NBEAL2: variants seen among roughly 807,000 people sequenced by gnomAD.
The protein encoded by NBEAL2 is neurobeachin like 2.
NBEAL2 carries 160 observed loss-of-function variants against 299.8 expected under a neutral mutation model. The observed-to-expected ratio is 0.53, with a 90% CI of 0.47 to 0.61. The LOEUF (loss-of-function observed/expected upper bound fraction) is 0.61, where lower values mean the gene tolerates loss of function less well. NBEAL2 is among the 20% of genes least tolerant of loss of function. NBEAL2 has a pLI of 0.00. For synonymous variants in NBEAL2, 1,493 were observed against 1,542.3 expected (o/e 0.97, Z 0.75); for missense variants, 3,112 against 3,649.0 (o/e 0.85, Z 3.79).
Position 47,003,308 on chromosome 3 carries a change from C to T in NBEAL2, c.5719C>T (p.Pro1907Ser). 1 of 1,612,114 alleles carries T rather than the reference C, an allele frequency of 6.2e-7. No homozygotes were observed. Among genetic ancestry groups the T allele is most frequent in the South Asian group, 1.1e-5 (1 of 90,984 alleles). The change falls in exon 35 of 54, where the codon CCG becomes TCG. Residue 1907 changes from proline to serine, a missense_variant and splice_region_variant. Around this residue, in one of 3 missense-constraint regions of NBEAL2, gnomAD observed 2,243 missense variants for 2,538.1 expected, o/e 0.88. Coordinates refer to ENST00000450053, the MANE Select transcript of NBEAL2 (RefSeq NM_015175.3). This position sits in a 1 kb window ranked among gnomAD's most constrained non-coding sequence, Gnocchi z 7.0. ...GEDELAELET[P>S]MEAAELDEQR... ...GGACGAGCTGGCTGAGCTGGAGACC[C>T]CGTGAGTGGGGCCCTGGAGAGATTG...
Position 47,000,180 on chromosome 3 carries a change from G to T in NBEAL2, c.4081G>T (p.Glu1361Ter), listed in dbSNP as rs1553663498. 9.9e-6 allele frequency: 16 copies of T among 1,613,816 alleles called. No homozygotes were observed. Among genetic ancestry groups the T allele is most frequent in the Non-Finnish European group, 1.4e-5 (16 of 1,179,888 alleles). ...CTGCACGCCCTTTGACCTGGGCCTG[G>T]AACGGTCTAGTGTAGGATCAGGCAA... is the stretch of plus-strand genomic sequence containing the variant. ...PFCTPFDLGLERSSVGSGNTA... is the reference protein window; with the variant it reads ...PFCTPFDLGL The change falls in exon 27 of 54, where the codon GAA becomes TAA. Residue 1361 changes from glutamate to a stop codon, truncating the protein, a stop_gained. Transcript: ENST00000450053. LOFTEE classifies it high-confidence loss of function. This position sits in a 1 kb window ranked among gnomAD's most constrained non-coding sequence, Gnocchi z 4.5.
At position 46,999,010 on chromosome 3, in the gene NBEAL2, C is replaced by T; in HGVS notation, c.3436C>T (p.Gln1146Ter). The T allele has an allele frequency of 1.9e-6, 3 of 1,605,844 alleles. No individual in the cohort carries two copies. Among genetic ancestry groups the T allele is most frequent in the African/African-American group, 1.3e-5 (1 of 74,854 alleles). The change falls in exon 24 of 54, where the codon CAG becomes TAG. Residue 1146 changes from glutamine to a stop codon, truncating the protein, a stop_gained. Transcript: ENST00000450053. LOFTEE classifies it high-confidence loss of function. ...GGCCCTGCTGCACGGTTCCCTGGTG[C>T]AGGAGTCCTTGGCTGTCTTTCTGTT... ...LLALLHGSLV[Q>*]ESLAVFLLEP...
In NBEAL2 at chr3:47,008,317, GAC is replaced by G; in HGVS notation, c.7756_7757del (p.Gln2586ValfsTer135). ...GTGATCATACACACTGTACGCCGCGGACAGTTTGTAGCGGCACTACGGCCTCT... is the reference window on the plus strand; with the variant it reads ...GTGATCATACACACTGTACGCCGCGGAGTTTGTAGCGGCACTACGGCCTCT... On this transcript the variant is annotated frameshift_variant, in exon 51 of 54. Transcript: ENST00000450053. LOFTEE classifies it high-confidence loss of function. The G allele has an allele frequency of 6.2e-7, 1 of 1,613,322 alleles. No homozygotes were observed. The highest frequency in any genetic ancestry group is 1.1e-5 in the South Asian group (1 of 90,960).
Position 46,995,542 on chromosome 3 carries a change from T to C in NBEAL2, c.1807T>C (p.Phe603Leu). ...TGTACAGCGATGGCCAGGGCCTGGC[T>C]TCACCTTTCATGCCTGGCTCTGTCT... ...PPVQRWPGPG[F>L]TFHAWLCLHP... Residue 603 changes from phenylalanine (F) to leucine (L), a missense_variant, in exon 13 of 54, where the codon TTC becomes CTC. Phe to Leu is a conservative substitution (Grantham distance 22, BLOSUM62 0). Transcript: ENST00000450053. 3.1e-6 allele frequency: 5 copies of C among 1,612,826 alleles called. No homozygotes were observed. The highest frequency in any genetic ancestry group is 4.2e-6 in the Non-Finnish European group (5 of 1,179,876).
In NBEAL2 at chr3:47,004,321, A is replaced by C; in HGVS notation, c.6126A>C (p.Leu2042=). 2 of 1,610,920 alleles carry C rather than the reference A, an allele frequency of 1.2e-6. No individual in the cohort carries two copies. Among genetic ancestry groups the C allele is most frequent in the Non-Finnish European group, 1.7e-6 (2 of 1,178,160 alleles). ...RNQVYSWLLR[L]RPPSQGYLSS... is the part of the protein sequence containing the mutation. ...AGGTGTACTCGTGGCTCCTGCGCCT[A>C]CGGCCCCCCTCTCAAGGCTACCTAA... Residue 2042 remains leucine, a synonymous_variant, in exon 37 of 54, where the codon CTA becomes CTC. Coordinates refer to ENST00000450053, the MANE Select transcript of NBEAL2 (RefSeq NM_015175.3). The surrounding 1 kb of genome is among the most constrained non-coding windows in gnomAD (Gnocchi z 5.0).
chr3:46,996,191 G>T, intron 15 of NBEAL2, 80 bp from the exon 16 acceptor site: 3 of 1,577,502 alleles, frequency 1.9e-6, no homozygotes, highest in Non-Finnish European at 2.6e-6. Context: ...CAGCCATGGG[G>T]GTCACTGTGA....
At chr3:46,985,924 G>A (rs2035643727) in intron 1 of NBEAL2, among the ~76,000 whole-genome samples, 1 of 152,218 alleles carries the variant, frequency 6.6e-6, no homozygotes, top group South Asian at 2.1e-4. Context: ...CTCACATGCA[G>A]CACTGCCACC....
At position 47,004,323 on chromosome 3, in the gene NBEAL2, G is replaced by A. The variant is rs377667217; in HGVS notation, c.6128G>A (p.Arg2043Gln). The A allele has an allele frequency of 3.3e-5, 53 of 1,610,568 alleles. No individual in the cohort carries two copies. The Middle Eastern group carries it at 5.0e-4, about 15-fold the overall frequency. The change falls in exon 37 of 54, where the codon CGG becomes CAG. Residue 2043 changes from arginine (R) to glutamine (Q), a missense_variant. Physicochemically the swap from Arg to Gln is conservative, Grantham distance 43. Coordinates refer to ENST00000450053, the MANE Select transcript of NBEAL2 (RefSeq NM_015175.3). The surrounding 1 kb of genome is among the most constrained non-coding windows in gnomAD (Gnocchi z 5.0). ...GTGTACTCGTGGCTCCTGCGCCTAC[G>A]GCCCCCCTCTCAAGGCTACCTAAGC... ...NQVYSWLLRLRPPSQGYLSSR... is the reference protein window; with the variant it reads ...NQVYSWLLRLQPPSQGYLSSR...
Position 47,004,763 on chromosome 3 carries a change from A to T in NBEAL2, c.6294+173A>T. ...CCAACCCCCAGAGGTCCCCAGCCTC[A>T]CTCCCTTCCCCTCCCTGCCTAGCCT... On this transcript the variant is annotated intron_variant, in intron 38 of 53. Transcript: ENST00000450053. The surrounding 1 kb of genome is among the most constrained non-coding windows in gnomAD (Gnocchi z 5.0). 2.1e-6 allele frequency: 2 copies of T among 959,918 alleles called. No homozygotes were observed. The highest frequency in any genetic ancestry group is 3.1e-6 in the Non-Finnish European group (2 of 635,044). 59.5% of individuals were successfully genotyped at this position (959,918 alleles called of 1,614,324 possible).
chr3:47,006,443 C>T lies in NBEAL2; in HGVS notation c.7128C>T (p.Phe2376=), dbSNP rs371869805. 9 of 1,576,602 alleles carry T rather than the reference C, an allele frequency of 5.7e-6. No homozygotes were observed. Among genetic ancestry groups the T allele is most frequent in the South Asian group, 3.5e-5 (3 of 85,762 alleles). Reference sequence around the variant, plus strand: ...ACCTGGACGAACTCAAGGCATTCTTCGCAGAGGTGAAAGGAAGACAAGACC... The same window carrying T: ...ACCTGGACGAACTCAAGGCATTCTTTGCAGAGGTGAAAGGAAGACAAGACC... ...FQHLDELKAF[F]AEVVSDGVPL... The change falls in exon 45 of 54, where the codon TTC becomes TTT. Residue 2376 remains phenylalanine, a synonymous_variant. Coordinates refer to ENST00000450053, the MANE Select transcript of NBEAL2 (RefSeq NM_015175.3).
Position 47,002,300 on chromosome 3 carries a change from T to TTGGGGCCCAGGAAGAGGAGTGGGGGC in NBEAL2, c.5151+22_5152-36dup. On this transcript the variant is annotated intron_variant, in intron 31 of 53. Transcript: ENST00000450053. ...TCATCGACAAACAGGTGCCTGGAGG[T>TTGGGGCCCAGGAAGAGGAGTGGGGGC]TGGGGCCCAGGAAGAGGAGTGGGGG... 6.3e-7 allele frequency: 1 copy of TTGGGGCCCAGGAAGAGGAGTGGGGGC among 1,584,140 alleles called. No individual in the cohort carries two copies. Among genetic ancestry groups the TTGGGGCCCAGGAAGAGGAGTGGGGGC allele is most frequent in the Non-Finnish European group, 8.6e-7 (1 of 1,161,420 alleles).
intron 6 of NBEAL2, among the ~76,000 whole-genome samples, chr3:46,990,058 A>G (rs2035977161): frequency 1.3e-5 from 2 of 151,628 alleles, no homozygotes; most frequent in Non-Finnish European, 1.5e-5. Flanking sequence ...CTCCCTGGTG[A>G]CCCTCCACCC....
At position 46,991,695 on chromosome 3, in the gene NBEAL2, A is replaced by G. The variant is rs1483040322; in HGVS notation, c.925+7A>G. ...CTCCGGGTCAGCATGCTCGGTGGGT[A>G]TGGGCTCCCAGGCTCTTGGGGAAGG... On this transcript the variant is annotated splice_region_variant and intron_variant, in intron 8 of 53. Transcript: ENST00000450053. The surrounding 1 kb of genome is among the most constrained non-coding windows in gnomAD (Gnocchi z 6.2). The G allele has an allele frequency of 1.9e-6, 3 of 1,592,194 alleles. No homozygotes were observed. The highest frequency in any genetic ancestry group is 1.1e-5 in the South Asian group (1 of 89,804).
At chr3:46,983,741 T>C (rs997740463) in intron 1 of NBEAL2, among the ~76,000 whole-genome samples, 7 of 152,098 alleles carry the variant, frequency 4.6e-5, no homozygotes, top group African/African-American at 1.4e-4. Flanking sequence ...CCTGTAGTGA[T>C]AGGGAGATGA....
intron 16 of NBEAL2, 65 bp downstream of exon 16, chr3:46,996,657 G>A (rs932361814): frequency 4.6e-6 from 7 of 1,525,138 alleles, no homozygotes; most frequent in Middle Eastern, 1.8e-4. Flanking sequence ...GGGGGAGAAG[G>A]CATCTCTGGG....
chr3:47,007,160 G>A lies in NBEAL2; in HGVS notation c.7224+5G>A. 1.2e-6 allele frequency: 2 copies of A among 1,613,572 alleles called. No individual in the cohort carries two copies. Among genetic ancestry groups the A allele is most frequent in the Non-Finnish European group, 1.7e-6 (2 of 1,179,710 alleles). The stretch of plus-strand genomic sequence containing the variant: ...CAGGGTTCCCCAGACCTGTTGGTAA[G>A]TGCATTGTGCAGAGCCCCAGCTCAG... On this transcript the variant is annotated splice_donor_5th_base_variant and intron_variant, in intron 46 of 53. Transcript: ENST00000450053.
At chr3:47,005,150 C>T (rs2037329638) in intron 39 of NBEAL2, 31 bp from the exon 40 acceptor site, 1 of 1,613,676 alleles carries the variant, frequency 6.2e-7, no homozygotes, top group African/African-American at 1.3e-5. Flanking sequence ...GAGGGGAGGG[C>T]TTCTGCTGAC....
At chr3:46,995,681 A>G in intron 13 of NBEAL2, 33 bp from the exon 14 acceptor site, 1 of 1,610,704 alleles carries the variant, frequency 6.2e-7, no homozygotes, top group Non-Finnish European at 8.5e-7. Flanking sequence ...GTGAGCAGGA[A>G]CAAGCAGACA....
Position 46,988,156 on chromosome 3 carries a change from T to C in NBEAL2, c.52-513T>C. On this transcript the variant is annotated intron_variant, in intron 1 of 53. Coordinates refer to ENST00000450053, the MANE Select transcript of NBEAL2 (RefSeq NM_015175.3). The surrounding 1 kb of genome is among the most constrained non-coding windows in gnomAD (Gnocchi z 4.4). ...GGATGTGCGCATGTCTGGGTCTGCC[T>C]GTCTAATGGTACACGTGTGTCCTGG... The C allele has an allele frequency of 1.0e-6, 1 of 990,918 alleles. No individual in the cohort carries two copies. 61.4% of individuals were successfully genotyped at this position (990,918 alleles called of 1,614,324 possible). A position where few individuals can be genotyped will look rare whatever the true frequency, so the allele number is the denominator to read the frequency against.
Sources: allele counts gnomAD v4.1 joint callset (sites outside exome capture counted in the v4.1 genomes callset), GRCh38; gene constraint gnomAD v4.1.1; regional missense constraint gnomAD v4.1.1; non-coding constraint Gnocchi (gnomAD v3.1); transcripts MANE v1.5; gene names NCBI Gene and HGNC (gene_info 2026-07-23, HGNC 2026-07-21).